The following LYPD6B variants were observed in gnomAD, a reference collection of about 807,000 sequenced individuals.
LYPD6B encodes ly6/PLAUR domain-containing protein 6B.
A neutral mutation model predicts 22.8 loss-of-function variants in LYPD6B; 17 were observed. The observed-to-expected ratio is 0.75, with a 90% CI of 0.51 to 1.12. The LOEUF is 1.12. Ranked by LOEUF, LYPD6B falls within the 50% of genes most tolerant of loss-of-function variation. LYPD6B has a pLI of 0.00. For missense variants in LYPD6B, 221 were observed against 258.3 expected, an observed-to-expected ratio of 0.86 and a Z score of 0.99; for synonymous variants, 106 against 91.6, an observed-to-expected ratio of 1.16 and a Z score of -0.90.
In LYPD6B at chr2:149,052,964, C is replaced by T. The variant is rs1173796610; in HGVS notation, c.-67+14163C>T. ...TCTGCCTTGATGGAAATGCTGTCTG[C>T]CACCCCATACAGTAGCCACTGTTCT... On this transcript the variant is annotated intron_variant, in intron 1 of 6. Transcript: ENST00000409642. 2.6e-5 allele frequency among the ~76,000 whole-genome samples: 4 copies of T among 152,260 alleles called. No individual in the cohort carries two copies. In the East Asian group the frequency reaches 7.7e-4, roughly 29 times the overall value.
rs141751336 is a variant in LYPD6B, at chr2:149,151,140, T to C, written c.6-9624T>C. ...GTTTGCCTCCAATGTCTGGTGATCC[T>C]GGGCTGTCTTTAAGCTGAAAGTTCA... On this transcript the variant is annotated intron_variant, in intron 2 of 6. Transcript: ENST00000409642. Among the ~76,000 whole-genome samples, 5 of 152,300 alleles carry C rather than the reference T, an allele frequency of 3.3e-5. No individual in the cohort carries two copies. The East Asian group carries it at 9.6e-4, about 29-fold the overall frequency.
intron 1 of LYPD6B, among the ~76,000 whole-genome samples, chr2:149,108,682 CAT>C (rs1686615857): frequency 1.3e-5 from 2 of 152,182 alleles, no homozygotes; most frequent in African/African-American, 4.8e-5. Context: ...TGTTAGAACA[CAT>C]ATTGAATGTT....
chr2:149,209,560 T>C lies in LYPD6B; in HGVS notation c.328+1148T>C, dbSNP rs539640173. On this transcript the variant is annotated intron_variant, in intron 5 of 6. Transcript: ENST00000409642. ...GAATTAGAGATAACTAGTTTTGGTC[T>C]ACTGTTACCCGGAATCTTTTGGAAA... Among the ~76,000 whole-genome samples the C allele has an allele frequency of 1.3e-5, 2 of 152,336 alleles. 1 individual carries two copies. The highest frequency in any genetic ancestry group is 4.8e-5 in the African/African-American group (2 of 41,570).
At chr2:149,120,469 G>A (rs1210995305) in intron 1 of LYPD6B, among the ~76,000 whole-genome samples, 3 of 135,686 alleles carry the variant, frequency 2.2e-5, no homozygotes, top group Non-Finnish European at 4.6e-5. Context: ...TGCAAGCTTC[G>A]CCTCCCAGGT....
At chr2:149,061,610 T>TC (rs1173147671) in intron 1 of LYPD6B, among the ~76,000 whole-genome samples, 1 of 152,048 alleles carries the variant, frequency 6.6e-6, no homozygotes, top group Non-Finnish European at 1.5e-5. Flanking sequence ...TCTCCTGGAT[T>TC]CCCCGGGGCT....
chr2:149,086,591 G>A (rs917817680), intron 1 of LYPD6B, among the ~76,000 whole-genome samples: 6 of 152,310 alleles, frequency 3.9e-5, no homozygotes, highest in South Asian at 2.1e-4. Context: ...GGGGTGATAC[G>A]CTGTCCTAGG....
At chr2:149,173,178 GTTTT>G (rs35671707) in intron 3 of LYPD6B, among the ~76,000 whole-genome samples, 3 of 149,512 alleles carry the variant, frequency 2.0e-5, no homozygotes, top group Non-Finnish European at 4.4e-5. Flanking sequence ...CTATTACTGT[GTTTT>G]TTTTTTTAAA....
chr2:149,049,023 G>T (rs933801510), intron 1 of LYPD6B, among the ~76,000 whole-genome samples: 3 of 152,148 alleles, frequency 2.0e-5, no homozygotes, highest in African/African-American at 4.8e-5. Flanking sequence ...TGCATTGAAA[G>T]CTCCTGGTCT....
intron 3 of LYPD6B, among the ~76,000 whole-genome samples, chr2:149,195,222 C>T (rs1281134745): frequency 2.0e-5 from 3 of 152,218 alleles, no homozygotes; most frequent in African/African-American, 7.2e-5. Context: ...CTGCCCAACC[C>T]ATTGCTAAGC....
At chr2:149,161,865 A>G (rs1305375158) in intron 3 of LYPD6B, among the ~76,000 whole-genome samples, 1 of 152,222 alleles carries the variant, frequency 6.6e-6, no homozygotes, top group Non-Finnish European at 1.5e-5. Flanking sequence ...AGAATTCTGT[A>G]AAATATCTAC....
chr2:149,093,344 C>G (rs1402110307), intron 1 of LYPD6B, among the ~76,000 whole-genome samples: 1 of 152,142 alleles, frequency 6.6e-6, no homozygotes, highest in Non-Finnish European at 1.5e-5. Flanking sequence ...CCTGTTGGTG[C>G]TGGAGCCAGG....
intron 3 of LYPD6B, among the ~76,000 whole-genome samples, chr2:149,187,115 G>A (rs1234495255): frequency 6.6e-6 from 1 of 152,144 alleles, no homozygotes; most frequent in African/African-American, 2.4e-5. Context: ...CATAACTTTT[G>A]TCTGCACCAG....
At chr2:149,171,670 A>G (rs751977278) in intron 3 of LYPD6B, among the ~76,000 whole-genome samples, 5 of 152,132 alleles carry the variant, frequency 3.3e-5, no homozygotes, top group South Asian at 4.1e-4. Flanking sequence ...TATGGATGGC[A>G]GGGAAAGGTT....
At chr2:149,107,460 A>C in intron 1 of LYPD6B, among the ~76,000 whole-genome samples, 1 of 152,242 alleles carries the variant, frequency 6.6e-6, no homozygotes, top group South Asian at 2.1e-4. Flanking sequence ...CTGAAACTAC[A>C]GAAAGTGAAC....
chr2:149,122,849 T>A (rs568251914), intron 1 of LYPD6B, among the ~76,000 whole-genome samples: 5 of 152,302 alleles, frequency 3.3e-5, no homozygotes, highest in African/African-American at 1.2e-4. Context: ...GCAATAAAAA[T>A]TTAAGATAGG....
At chr2:149,039,270 G>A (rs1411665178) in intron 1 of LYPD6B, among the ~76,000 whole-genome samples, 1 of 152,240 alleles carries the variant, frequency 6.6e-6, no homozygotes, top group Non-Finnish European at 1.5e-5. Context: ...CGACCAGCTT[G>A]GGTGCCGCCG....
rs578231710 is a variant in LYPD6B at position 149,092,131 on chromosome 2, C to T, written c.-66-38752C>T. ...GTAGAGGTCTTAATATGTGTCAGGG[C>T]GGAGAGTGAGAAAGCTGGAAAGATA... On this transcript the variant is annotated intron_variant, in intron 1 of 6. Coordinates refer to ENST00000409642, the MANE Select transcript of LYPD6B (RefSeq NM_177964.5). Among the ~76,000 whole-genome samples, 224 of 150,844 alleles carry T rather than the reference C, an allele frequency of 1.5e-3. 1 individual carries two copies. The highest frequency in any genetic ancestry group is 2.3e-3 in the Non-Finnish European group (157 of 67,752).
intron 4 of LYPD6B, among the ~76,000 whole-genome samples, chr2:149,207,272 C>G (rs1247294031): frequency 5.3e-5 from 8 of 152,080 alleles, no homozygotes; most frequent in Non-Finnish European, 1.2e-4. Context: ...TTGTTTTGTG[C>G]TACCATACAT....
chr2:149,106,997 A>G (rs1048882584), intron 1 of LYPD6B, among the ~76,000 whole-genome samples: 1 of 152,104 alleles, frequency 6.6e-6, no homozygotes, highest in African/African-American at 2.4e-5. Context: ...CCCTATATAC[A>G]CTATGTTTTT....
Sources: allele counts gnomAD v4.1 joint callset (sites outside exome capture counted in the v4.1 genomes callset), GRCh38; gene constraint gnomAD v4.1.1; transcripts MANE v1.5; gene names NCBI Gene and HGNC (gene_info 2026-07-23, HGNC 2026-07-21).